The following ANO6 variants were observed in gnomAD, a reference collection of about 807,000 sequenced individuals.
ANO6 encodes anoctamin 6.
A neutral mutation model predicts 117.5 loss-of-function variants in ANO6; 106 were observed. The ratio of observed to expected loss-of-function variants is 0.90; its 90% CI spans 0.77 to 1.06. The LOEUF is 1.06. ANO6 is among the 50% of genes least tolerant of loss of function. The probability of loss-of-function intolerance (pLI) is 0.00; values close to 1 mark genes in which losing one functional copy is unlikely to be tolerated. For synonymous variants in ANO6, 367 were observed against 385.1 expected, an observed-to-expected ratio of 0.95 and a Z score of 0.55; for missense variants, 955 against 1,121.1, an observed-to-expected ratio of 0.85 and a Z score of 2.12.
At position 45,412,588 on chromosome 12, in the gene ANO6, T is replaced by C. The variant is rs1310479167; in HGVS notation, c.2011+3101T>C. On this transcript the variant is annotated intron_variant, in intron 16 of 19. Coordinates refer to ENST00000320560, the MANE Select transcript of ANO6 (RefSeq NM_001025356.3). ...CTTCCCTTCATGCTCTCATCTCTGC[T>C]TGGTTCGAGCCCATCACCTGCCATG... Among the ~76,000 whole-genome samples the C allele has an allele frequency of 2.0e-5, 3 of 152,192 alleles. No individual in the cohort carries two copies. In the East Asian group the frequency reaches 5.8e-4, roughly 29 times the overall value.
intron 1 of ANO6, among the ~76,000 whole-genome samples, chr12:45,260,970 G>GT (rs1555161976): frequency 1.4e-5 from 2 of 147,236 alleles, no homozygotes; most frequent in African/African-American, 4.9e-5. Flanking sequence ...TTGTTTGTTT[G>GT]TTTGTTTTGT....
intron 12 of ANO6, among the ~76,000 whole-genome samples, chr12:45,397,877 A>C (rs182073245): frequency 5.9e-5 from 9 of 152,276 alleles, no homozygotes; most frequent in Non-Finnish European, 1.0e-4. Context: ...AGAAATACCT[A>C]ATGTGAACGA....
chr12:45,253,325 C>T (rs541840229), intron 1 of ANO6, among the ~76,000 whole-genome samples: 4 of 152,236 alleles, frequency 2.6e-5, no homozygotes, highest in East Asian at 3.9e-4. Flanking sequence ...TCCAAGCCCC[C>T]GCCACTGATC....
rs1323947645 is a variant in ANO6 at position 45,348,179 on chromosome 12, A to G, written c.497A>G (p.Lys166Arg). The change falls in exon 5 of 20, where the codon AAA becomes AGA. Residue 166 changes from lysine (K) to arginine (R), a missense_variant. Coordinates refer to ENST00000320560, the MANE Select transcript of ANO6 (RefSeq NM_001025356.3). ...SAFGTLNWFT[K>R]VLSVDESIIK... ...TTTGGTACACTCAACTGGTTTACCA[A>G]AGTCCTCAGTGTAGACGAAAGCATC... 2.5e-6 allele frequency: 4 copies of G among 1,614,128 alleles called. No individual in the cohort carries two copies. The highest frequency in any genetic ancestry group is 2.5e-6 in the Non-Finnish European group (3 of 1,179,996).
At chr12:45,258,045 GA>G (rs1013406174) in intron 1 of ANO6, among the ~76,000 whole-genome samples, 1 of 151,762 alleles carries the variant, frequency 6.6e-6, no homozygotes, top group Non-Finnish European at 1.5e-5. Flanking sequence ...TGAGAATAAA[GA>G]AAAAAAATGA....
intron 1 of ANO6, among the ~76,000 whole-genome samples, chr12:45,225,689 C>T (rs1410717610): frequency 6.6e-6 from 1 of 152,110 alleles, no homozygotes; most frequent in African/African-American, 2.4e-5. Flanking sequence ...CGGGGTTTCA[C>T]CCTGTTAACC....
chr12:45,264,636 G>A (rs1313613885), intron 1 of ANO6, among the ~76,000 whole-genome samples: 1 of 152,054 alleles, frequency 6.6e-6, no homozygotes, highest in Admixed American at 6.6e-5. Flanking sequence ...TTTTACCAAT[G>A]GTTAGTTGGT....
intron 17 of ANO6, among the ~76,000 whole-genome samples, chr12:45,418,586 A>G (rs1592044473): frequency 1.3e-5 from 2 of 152,340 alleles, no homozygotes; most frequent in Middle Eastern, 6.8e-3. Flanking sequence ...TTTACCTTCA[A>G]CTAACCAGAA....
chr12:45,423,223 C>T (rs1020032137), intron 19 of ANO6, among the ~76,000 whole-genome samples, 161 bp downstream of exon 19: 1 of 152,146 alleles, frequency 6.6e-6, no homozygotes, highest in African/African-American at 2.4e-5. Flanking sequence ...AAATACTCAA[C>T]TTCATTAACG....
At chr12:45,373,949 T>A (rs1026019551) in intron 9 of ANO6, among the ~76,000 whole-genome samples, 6 of 151,816 alleles carry the variant, frequency 4.0e-5, no homozygotes, top group African/African-American at 1.5e-4. Flanking sequence ...ATCAACAAAA[T>A]AGATAGACCA....
At chr12:45,317,113 G>GTGTGTGTGTGTATATATATATATA in intron 2 of ANO6, among the ~76,000 whole-genome samples, 6 of 66,448 alleles carry the variant, frequency 9.0e-5, no homozygotes, top group African/African-American at 1.2e-4. Context: ...CTTTTTATAT[G>GTGTGTGTGTGTATATATATATATA]TATATATATA....
intron 1 of ANO6, among the ~76,000 whole-genome samples, chr12:45,243,404 A>G (rs1205481305): frequency 6.6e-6 from 1 of 152,162 alleles, no homozygotes; most frequent in African/African-American, 2.4e-5. Flanking sequence ...TGCATTCTAA[A>G]CTTCTAAAAT....
chr12:45,370,917 A>G (rs992706741), intron 9 of ANO6, among the ~76,000 whole-genome samples: 8 of 152,116 alleles, frequency 5.3e-5, no homozygotes, highest in Non-Finnish European at 8.8e-5. Context: ...AACGCAGGAG[A>G]CGGGTGATTT....
At chr12:45,429,084 T>G in intron 19 of ANO6, 21 bp from the exon 20 acceptor site, 2 of 1,611,760 alleles carry the variant, frequency 1.2e-6, no homozygotes, top group South Asian at 2.2e-5. Flanking sequence ...TGAGTGACAT[T>G]TTTCTTCTTC....
intron 9 of ANO6, among the ~76,000 whole-genome samples, chr12:45,377,770 G>A (rs1942067537): frequency 6.6e-6 from 1 of 152,192 alleles, no homozygotes; most frequent in East Asian, 1.9e-4. Context: ...TTTAAACACA[G>A]TGGAATTCTA....
chr12:45,371,217 T>C (rs555118821), intron 9 of ANO6, among the ~76,000 whole-genome samples: 55 of 152,192 alleles, frequency 3.6e-4, no homozygotes, highest in Non-Finnish European at 7.5e-4. Flanking sequence ...CCTACGCCCA[T>C]GGAGTCTCAC....
chr12:45,320,195 T>G (rs1940208624), intron 2 of ANO6, among the ~76,000 whole-genome samples: 1 of 152,224 alleles, frequency 6.6e-6, no homozygotes, highest in Non-Finnish European at 1.5e-5. Flanking sequence ...TCTCTAGTTC[T>G]TTTAATTGTG....
At chr12:45,390,333 A>T in intron 11 of ANO6, 88 bp from the exon 12 acceptor site, 1 of 1,096,906 alleles carries the variant, frequency 9.1e-7, no homozygotes, top group South Asian at 1.3e-5. Flanking sequence ...TTTAAAATTA[A>T]TTCTAAGATT....
chr12:45,435,371 C>T (rs1229498951), downstream of ANO6, among the ~76,000 whole-genome samples: 3 of 152,218 alleles, frequency 2.0e-5, no homozygotes, highest in African/African-American at 7.2e-5. Context: ...AACCACCCCT[C>T]AGTGCAGCCC....
Sources: allele counts gnomAD v4.1 joint callset (sites outside exome capture counted in the v4.1 genomes callset), GRCh38; gene constraint gnomAD v4.1.1; transcripts MANE v1.5; gene names NCBI Gene and HGNC (gene_info 2026-07-23, HGNC 2026-07-21).